The following SLC24A2 variants were observed in gnomAD, a reference collection of about 807,000 sequenced individuals.
SLC24A2 encodes the protein sodium/potassium/calcium exchanger 2.
In SLC24A2, 36 loss-of-function variants were observed where a neutral mutation model predicts 62.0. That is an observed-to-expected ratio of 0.58 (90% CI 0.44 to 0.77). SLC24A2 has a LOEUF of 0.77. Among genes scored for constraint, SLC24A2 ranks in the 30% least tolerant of loss-of-function variants. SLC24A2 has a pLI of 0.00. For synonymous variants in SLC24A2, 358 were observed against 294.0 expected (o/e 1.22, Z -2.23); for missense variants, 846 against 817.9 (o/e 1.03, Z -0.42).
the SLC24A2 span, among the ~76,000 whole-genome samples, chr9:20,108,732 A>G: frequency 6.6e-6 from 1 of 152,048 alleles, no homozygotes; most frequent in African/African-American, 2.4e-5. Flanking sequence ...TAGCATTAGG[A>G]GATATACCTA....
the SLC24A2 span, among the ~76,000 whole-genome samples, chr9:20,107,753 C>A: frequency 6.6e-6 from 1 of 152,034 alleles, no homozygotes; most frequent in African/African-American, 2.4e-5. Flanking sequence ...TAAAAGAAAA[C>A]CTAGGCATTA....
chr9:20,013,515 G>C, the SLC24A2 span, among the ~76,000 whole-genome samples: 4 of 152,272 alleles, frequency 2.6e-5, no homozygotes, highest in Non-Finnish European at 5.9e-5. Context: ...ATGATATTTT[G>C]ATAAGACTTC....
At chr9:19,978,422 T>A in the SLC24A2 span, among the ~76,000 whole-genome samples, 3,274 of 151,924 alleles carry the variant, frequency 0.022, 102 homozygotes, top group African/African-American at 0.068. Flanking sequence ...CTTTTTTTTT[T>A]AAAGAATGTG....
intron 4 of SLC24A2, among the ~76,000 whole-genome samples, chr9:19,598,650 C>T (rs1357460219): frequency 1.3e-5 from 2 of 151,256 alleles, no homozygotes; most frequent in African/African-American, 4.9e-5. Context: ...GGATTGCCAT[C>T]AGTGAAAAAA....
the SLC24A2 span, among the ~76,000 whole-genome samples, chr9:20,113,850 C>T: frequency 9.1e-4 from 138 of 152,260 alleles, no homozygotes; most frequent in African/African-American, 2.9e-3. Flanking sequence ...TTCAGATTTA[C>T]ATTTCCACAT....
rs1836035754 is a variant in SLC24A2 at position 19,577,005 on chromosome 9, C to G, written c.1147G>C (p.Ala383Pro). The change falls in exon 6 of 11, where the codon GCT becomes CCT. Residue 383 changes from alanine to proline, a missense_variant. Physicochemically the swap from Ala to Pro is conservative, Grantham distance 27. Coordinates refer to ENST00000341998, the MANE Select transcript of SLC24A2 (RefSeq NM_020344.4). The part of the protein sequence containing the change: ...MTEEGRFREK[A>P]SILHKIAKKK... ...TTGGCGATCTTGTGGAGAATTGAAG[C>G]CTTTTCTCTGAACCTCCCTGAAGCA... 6.2e-7 allele frequency: 1 copy of G among 1,613,986 alleles called. No individual in the cohort carries two copies. The highest frequency in any genetic ancestry group is 1.1e-5 in the South Asian group (1 of 91,092).
chr9:19,945,901 T>C, the SLC24A2 span, among the ~76,000 whole-genome samples: 3 of 152,226 alleles, frequency 2.0e-5, no homozygotes, highest in Non-Finnish European at 2.9e-5. Context: ...AAGTTCCTAT[T>C]CCACATCAGC....
At chr9:20,085,012 T>A in the SLC24A2 span, among the ~76,000 whole-genome samples, 1 of 152,212 alleles carries the variant, frequency 6.6e-6, no homozygotes, top group Non-Finnish European at 1.5e-5. Flanking sequence ...TTGTTTTGCT[T>A]TGAGACAGGG....
chr9:20,030,555 T>G, the SLC24A2 span, among the ~76,000 whole-genome samples: 35,749 of 152,098 alleles, frequency 0.24, 4,451 homozygotes, highest in African/African-American at 0.32. Context: ...ATTTCCTGTA[T>G]GCCTATGATC....
At chr9:19,968,349 C>T in the SLC24A2 span, among the ~76,000 whole-genome samples, 113 of 152,232 alleles carry the variant, frequency 7.4e-4, no homozygotes, top group Admixed American at 2.9e-3. Context: ...TTACTAAGTG[C>T]CAGTCACTAT....
chr9:19,942,954 C>G, the SLC24A2 span, among the ~76,000 whole-genome samples: 2 of 152,096 alleles, frequency 1.3e-5, no homozygotes, highest in East Asian at 3.8e-4. Flanking sequence ...TCTAGAGAAA[C>G]CTAGAAATCT....
At position 19,511,640 on chromosome 9, in the gene SLC24A2, T is replaced by G. The variant is rs1406132210; in HGVS notation, c.*4513A>C. ...CAGGTATAGGGGTTGAGGAGGTATC[T>G]TTTAAAAATATTAAGCCGGATCGTT... On this transcript the variant is annotated 3_prime_UTR_variant, in exon 11 of 11. Coordinates refer to ENST00000341998, the MANE Select transcript of SLC24A2 (RefSeq NM_020344.4). The G allele has an allele frequency of 2.0e-5, 3 of 152,202 alleles. No homozygotes were observed. The highest frequency in any genetic ancestry group is 7.2e-5 in the African/African-American group (3 of 41,448). The allele number at this position is 152,202 out of a possible 1,614,324, so 9.4% of individuals were successfully genotyped here. A position where few individuals can be genotyped will look rare whatever the true frequency, so the allele number is the denominator to read the frequency against.
At chr9:20,083,596 T>C in the SLC24A2 span, among the ~76,000 whole-genome samples, 1 of 152,250 alleles carries the variant, frequency 6.6e-6, no homozygotes, top group Non-Finnish European at 1.5e-5. Flanking sequence ...TCTGCCAGTG[T>C]CTGGAAATCA....
At chr9:20,138,871 C>A in the SLC24A2 span, among the ~76,000 whole-genome samples, 1 of 152,178 alleles carries the variant, frequency 6.6e-6, no homozygotes, top group African/African-American at 2.4e-5. Context: ...CATTTCGCTC[C>A]CAGGCGAAGG....
chr9:19,904,077 A>G, the SLC24A2 span, among the ~76,000 whole-genome samples: 1 of 152,180 alleles, frequency 6.6e-6, no homozygotes, highest in South Asian at 2.1e-4. Flanking sequence ...AACAGCTCGG[A>G]CATGTAGCAA....
At chr9:20,297,902 C>A in the SLC24A2 span, among the ~76,000 whole-genome samples, 1 of 152,220 alleles carries the variant, frequency 6.6e-6, no homozygotes, top group Admixed American at 6.5e-5. Context: ...TCTGAGCAAT[C>A]TGTGCAGACA....
intron 2 of SLC24A2, among the ~76,000 whole-genome samples, chr9:19,763,042 T>C (rs1179683197): frequency 6.6e-6 from 1 of 152,152 alleles, no homozygotes; most frequent in Non-Finnish European, 1.5e-5. Context: ...TCACATCCCT[T>C]GTAAGTTGTA....
chr9:20,136,575 T>C, the SLC24A2 span, among the ~76,000 whole-genome samples: 1 of 152,154 alleles, frequency 6.6e-6, no homozygotes, highest in Non-Finnish European at 1.5e-5. Flanking sequence ...TGCCCCAACA[T>C]ATTTACCACT....
intron 8 of SLC24A2, among the ~76,000 whole-genome samples, chr9:19,532,316 G>C (rs958282350): frequency 1.5e-4 from 23 of 151,954 alleles, no homozygotes; most frequent in African/African-American, 5.1e-4. Context: ...GGCTGGTCTC[G>C]AACTCCCAAC....
Sources: allele counts gnomAD v4.1 joint callset (sites outside exome capture counted in the v4.1 genomes callset), GRCh38; gene constraint gnomAD v4.1.1; transcripts MANE v1.5; gene names NCBI Gene and HGNC (gene_info 2026-07-23, HGNC 2026-07-21).